The following GBP4 variants were observed in gnomAD, a reference collection of about 807,000 sequenced individuals.
GBP4 encodes guanylate binding protein 4, also known as guanylate-binding protein 4.
A neutral mutation model predicts 62.2 loss-of-function variants in GBP4; 69 were observed. The ratio of observed to expected loss-of-function variants is 1.11; its 90% confidence interval spans 0.91 to 1.36. The LOEUF is 1.36. Ranked by LOEUF, GBP4 falls within the 40% of genes most tolerant of loss-of-function variation. The pLI is 0.00. For missense variants in GBP4, 697 were observed against 759.3 expected (o/e 0.92, Z 0.96); for synonymous variants, 278 against 274.6 (o/e 1.01, Z -0.12).
chr1:89,192,808 G>T, intron 5 of GBP4, 96 bp downstream of exon 5: 2 of 1,170,090 alleles, frequency 1.7e-6, no homozygotes, highest in Non-Finnish European at 1.2e-6. Context: ...AATCAATCCA[G>T]TCTAATGTAA....
chr1:89,190,317 C>A lies in GBP4; in HGVS notation c.918G>T (p.Arg306=), dbSNP rs780304326. 6.3e-7 allele frequency: 1 copy of A among 1,589,414 alleles called. No individual in the cohort carries two copies. Residue 306 remains arginine, a splice_region_variant and synonymous_variant, in exon 7 of 11, where the codon CGG becomes CGT. Coordinates refer to ENST00000355754, the MANE Select transcript of GBP4 (RefSeq NM_052941.5). ...LREGIIVTGK[R]LGTLVVTYVD... Reference sequence around the variant, plus strand: ...CATAAGTCACCACCAGAGTCCCCAGCCCTGAATCACATATATTTAGGGAAA... The same window carrying A: ...CATAAGTCACCACCAGAGTCCCCAGACCTGAATCACATATATTTAGGGAAA...
chr1:89,190,034 G>T lies in GBP4; in HGVS notation c.1197+4C>A, dbSNP rs1292850957. On this transcript the variant is annotated splice_donor_region_variant and intron_variant, in intron 7 of 10. Coordinates refer to ENST00000355754, the MANE Select transcript of GBP4 (RefSeq NM_052941.5). ...AAATCAGGAAGGATAAATGCTAAAA[G>T]TACCACAAGCTTCTTCTGGAATTCA... 8.1e-6 allele frequency: 13 copies of T among 1,602,876 alleles called. No individual in the cohort carries two copies. The highest frequency in any genetic ancestry group is 2.7e-5 in the African/African-American group (2 of 74,566).
chr1:89,194,128 A>G (rs770411718), intron 3 of GBP4, among the ~76,000 whole-genome samples: 1 of 152,242 alleles, frequency 6.6e-6, no homozygotes, highest in Non-Finnish European at 1.5e-5. Flanking sequence ...AGGTGGAAAG[A>G]TCAATAGAAG....
chr1:89,187,170 T>C, intron 8 of GBP4, 68 bp from the exon 9 acceptor site: 1 of 1,256,160 alleles, frequency 8.0e-7, no homozygotes, highest in Non-Finnish European at 1.2e-6. Context: ...GGCGAAATTA[T>C]TGTTCAATAA....
In GBP4 at chr1:89,184,576, T is replaced by C. The variant is rs1557471901; in HGVS notation, c.*678A>G. On this transcript the variant is annotated 3_prime_UTR_variant, in exon 11 of 11. Transcript: ENST00000355754. ...ATATGGATGGAGCTGGAAGCCATTA[T>C]CATAAGCAAACTAACACAGGAACAG... The C allele has an allele frequency of 6.6e-6, 1 of 152,208 alleles. No homozygotes were observed. The highest frequency in any genetic ancestry group is 2.4e-5 in the African/African-American group (1 of 41,440). 9.4% of individuals were successfully genotyped at this position (152,208 alleles called of 1,614,324 possible). A position where few individuals can be genotyped will look rare whatever the true frequency, so the allele number is the denominator to read the frequency against.
chr1:89,197,186 C>G lies in GBP4; in HGVS notation c.159G>C (p.Val53=), dbSNP rs1408746933. The G allele has an allele frequency of 6.2e-7, 1 of 1,614,146 alleles. No individual in the cohort carries two copies. Among genetic ancestry groups the G allele is most frequent in the South Asian group, 1.1e-5 (1 of 91,080 alleles). Residue 53 remains valine (V), a synonymous_variant, in exon 2 of 11, where the codon GTG becomes GTC. Transcript: ENST00000355754. ...LEILDKISQP[V]VVVAIVGLYR... Reference sequence around the variant, plus strand: ...ATAGCCCTACAATGGCCACCACCACCACGGGCTGAGAAATCTTGTCAAGAA... The same window carrying G: ...ATAGCCCTACAATGGCCACCACCACGACGGGCTGAGAAATCTTGTCAAGAA...
Position 89,190,127 on chromosome 1 carries a change from C to G in GBP4, c.1108G>C (p.Val370Leu). 1 of 1,614,152 alleles carries G rather than the reference C, an allele frequency of 6.2e-7. No individual in the cohort carries two copies. Among genetic ancestry groups the G allele is most frequent in the Non-Finnish European group, 8.5e-7 (1 of 1,179,976 alleles). The change falls in exon 7 of 11, where the codon GTG becomes CTG. Residue 370 changes from valine (V) to leucine (L), a missense_variant. By Grantham distance (32) the Val-to-Leu change is conservative (BLOSUM62 1). Transcript: ENST00000355754. ...GCTTCCCTCTCACAGGCTGCATGCACGTCCAGCAGCTCCTGGAGCGTGTCT... is the reference window on the plus strand; with the variant it reads ...GCTTCCCTCTCACAGGCTGCATGCAGGTCCAGCAGCTCCTGGAGCGTGTCT... ...PTDTLQELLD[V>L]HAACEREAIA...
At chr1:89,193,478 T>C in intron 3 of GBP4, 66 bp from the exon 4 acceptor site, 1 of 1,357,894 alleles carries the variant, frequency 7.4e-7, no homozygotes, top group Non-Finnish European at 1.0e-6. Flanking sequence ...TTCATTTGGT[T>C]GTTCATTAGC....
In GBP4 at chr1:89,190,237, A is replaced by G. The variant is rs918619706; in HGVS notation, c.998T>C (p.Leu333Pro). Reference protein sequence around the residue: ...VPCLENAVTALAQLENPAAVQ... With the variant: ...VPCLENAVTAPAQLENPAAVQ... ...AGCCGCTGGGTTCTCAAGCTGGGCC[A>G]GTGCTGTCACTGCATTCTCCAGACA... is the stretch of plus-strand genomic sequence containing the variant. Residue 333 changes from leucine to proline, a missense_variant, in exon 7 of 11, where the codon CTG becomes CCG. Around this residue, in one of 2 missense-constraint regions of GBP4, gnomAD observed 556 missense variants for 562.7 expected, o/e 0.99. Transcript: ENST00000355754. 15 of 1,614,074 alleles carry G rather than the reference A, an allele frequency of 9.3e-6. No homozygotes were observed. The highest frequency in any genetic ancestry group is 1.3e-5 in the Non-Finnish European group (15 of 1,180,034).
chr1:89,195,689 G>A (rs1013185203), intron 2 of GBP4, among the ~76,000 whole-genome samples: 1 of 152,126 alleles, frequency 6.6e-6, no homozygotes, highest in African/African-American at 2.4e-5. Context: ...GGACATTAGG[G>A]GGAAGAAATG....
chr1:89,193,280 C>A, intron 4 of GBP4, 23 bp downstream of exon 4: 1 of 1,607,822 alleles, frequency 6.2e-7, no homozygotes, highest in African/African-American at 1.3e-5. Flanking sequence ...ATAAAACCTG[C>A]TCTTCACTTC....
At chr1:89,188,518 G>T in intron 8 of GBP4, 64 bp downstream of exon 8, 1 of 1,316,526 alleles carries the variant, frequency 7.6e-7, no homozygotes, top group Non-Finnish European at 1.1e-6. Flanking sequence ...TAGATTTTCA[G>T]AAGGGGCAAC....
intron 3 of GBP4, among the ~76,000 whole-genome samples, chr1:89,194,326 G>A (rs2100678647): frequency 6.6e-6 from 1 of 152,336 alleles, no homozygotes; most frequent in Middle Eastern, 3.4e-3. Context: ...TCTAAGGTCA[G>A]CTAGTAGTTC....
chr1:89,193,267 C>T, intron 4 of GBP4, 36 bp downstream of exon 4: 1 of 1,594,652 alleles, frequency 6.3e-7, no homozygotes, highest in Non-Finnish European at 8.6e-7. Context: ...TCCCCTAAAC[C>T]CCATAAAACC....
At chr1:89,192,163 T>A (rs1327839105) in intron 5 of GBP4, among the ~76,000 whole-genome samples, 1 of 152,196 alleles carries the variant, frequency 6.6e-6, no homozygotes, top group Non-Finnish European at 1.5e-5. Flanking sequence ...CATATATCAG[T>A]TATTCAAAAC....
chr1:89,181,657 A>G lies in GBP4; in HGVS notation c.*3597T>C, dbSNP rs1417617824. On this transcript the variant is annotated 3_prime_UTR_variant, in exon 11 of 11. Coordinates refer to ENST00000355754, the MANE Select transcript of GBP4 (RefSeq NM_052941.5). ...TGTATGTACATTAAAATTTTGATAT[A>G]CAATTCCAACAGATCACTCTCACTA... The G allele has an allele frequency of 6.6e-6, 1 of 152,168 alleles. No homozygotes were observed. Among genetic ancestry groups the G allele is most frequent in the African/African-American group, 2.4e-5 (1 of 41,426 alleles). 9.4% of individuals were successfully genotyped at this position (152,168 alleles called of 1,614,324 possible). A position where few individuals can be genotyped will look rare whatever the true frequency, so the allele number is the denominator to read the frequency against.
chr1:89,197,693 A>G (rs1425266972), intron 1 of GBP4, among the ~76,000 whole-genome samples: 1 of 152,192 alleles, frequency 6.6e-6, no homozygotes, highest in Non-Finnish European at 1.5e-5. Flanking sequence ...TACAAAAAGG[A>G]GATGAGGAGT....
At chr1:89,192,074 G>C (rs190198881) in intron 5 of GBP4, among the ~76,000 whole-genome samples, 3 of 152,274 alleles carry the variant, frequency 2.0e-5, no homozygotes, top group African/African-American at 7.2e-5. Flanking sequence ...AGTTAATACA[G>C]ATATAACTTG....
In GBP4 at chr1:89,193,126, G is replaced by C. The variant is rs757189387; in HGVS notation, c.474-26C>G. ...CTGGGATCTCAGCTAAGGAAGGATAGCACCCTACACCATCATTTCCATATC... is the reference window on the plus strand; with the variant it reads ...CTGGGATCTCAGCTAAGGAAGGATACCACCCTACACCATCATTTCCATATC... On this transcript the variant is annotated intron_variant, in intron 4 of 10. Transcript: ENST00000355754. 6 of 1,607,412 alleles carry C rather than the reference G, an allele frequency of 3.7e-6. No homozygotes were observed. The African/African-American group carries it at 6.7e-5, about 18-fold the overall frequency.
Sources: allele counts gnomAD v4.1 joint callset (sites outside exome capture counted in the v4.1 genomes callset), GRCh38; gene constraint gnomAD v4.1.1; regional missense constraint gnomAD v4.1.1; transcripts MANE v1.5; gene names NCBI Gene and HGNC (gene_info 2026-07-23, HGNC 2026-07-21).